SPATA17: variants seen among roughly 807,000 people sequenced by gnomAD.
The protein encoded by SPATA17 is spermatogenesis associated 17, also known as spermatogenesis-associated protein 17.
In SPATA17, 53 loss-of-function variants were observed where a neutral mutation model predicts 62.2. That is an observed-to-expected ratio of 0.85 (90% confidence interval 0.68 to 1.07). SPATA17 has a LOEUF of 1.07. Among genes scored for constraint, SPATA17 ranks in the 50% least tolerant of loss-of-function variants. SPATA17 has a pLI of 0.00. For synonymous variants in SPATA17, 146 were observed against 146.8 expected, an observed-to-expected ratio of 0.99 and a Z score of 0.04; for missense variants, 466 against 425.5, an observed-to-expected ratio of 1.10 and a Z score of -0.84.
intron 6 of SPATA17, among the ~76,000 whole-genome samples, chr1:217,772,842 A>G (rs1673485771): frequency 6.6e-6 from 1 of 152,220 alleles, no homozygotes; most frequent in African/African-American, 2.4e-5. Flanking sequence ...ATTTTGAAAC[A>G]GTGTAATGTG....
intron 5 of SPATA17, among the ~76,000 whole-genome samples, chr1:217,705,729 G>A (rs553003877): frequency 3.2e-4 from 49 of 152,214 alleles, no homozygotes; most frequent in African/African-American, 1.1e-3. Flanking sequence ...GTGAGCCACC[G>A]TGCCCGGCCT....
At position 217,782,195 on chromosome 1, in the gene SPATA17, G is replaced by A. The variant is rs187116833; in HGVS notation, c.745G>A (p.Glu249Lys). Residue 249 changes from glutamate (E) to lysine (K), a missense_variant, in exon 8 of 11, where the codon GAA (glutamate) becomes AAA (lysine). Coordinates refer to ENST00000366933, the MANE Select transcript of SPATA17 (RefSeq NM_138796.4). ...QCQGPFRDITEVLEQRYRPLE... is the reference protein window; with the variant it reads ...QCQGPFRDITKVLEQRYRPLE... ...TCAGGGGCCCTTCCGAGATATCACC[G>A]AAGTATTAGAACAACGCTACAGGCC... The A allele has an allele frequency of 7.7e-5, 123 of 1,598,524 alleles. No individual in the cohort carries two copies. Among genetic ancestry groups the A allele is most frequent in the Admixed American group, 1.8e-4 (10 of 56,304 alleles).
chr1:217,756,112 A>G (rs1673035253), intron 6 of SPATA17, among the ~76,000 whole-genome samples: 1 of 152,164 alleles, frequency 6.6e-6, no homozygotes, highest in Admixed American at 6.6e-5. Context: ...AGTAATATCG[A>G]TTAACTAATA....
At chr1:217,807,199 C>T (rs996448295) in intron 9 of SPATA17, among the ~76,000 whole-genome samples, 1 of 148,812 alleles carries the variant, frequency 6.7e-6, no homozygotes, top group Admixed American at 6.7e-5. Context: ...GGGAGCTAAA[C>T]GATGAGTACA....
At chr1:217,738,383 A>G in intron 5 of SPATA17, among the ~76,000 whole-genome samples, 1 of 152,196 alleles carries the variant, frequency 6.6e-6, no homozygotes, top group Non-Finnish European at 1.5e-5. Flanking sequence ...AATTAGAGAA[A>G]GCATATCCAG....
At chr1:217,642,613 G>C (rs1350934911) in intron 1 of SPATA17, among the ~76,000 whole-genome samples, 1 of 152,166 alleles carries the variant, frequency 6.6e-6, no homozygotes, top group Non-Finnish European at 1.5e-5. Context: ...GAGGTGATTG[G>C]ATCATGGGGG....
At chr1:217,754,768 C>T (rs1445304465) in intron 6 of SPATA17, among the ~76,000 whole-genome samples, 1 of 152,056 alleles carries the variant, frequency 6.6e-6, no homozygotes, top group Non-Finnish European at 1.5e-5. Context: ...TAGTCTAATC[C>T]ATCGTCTTTT....
At position 217,781,936 on chromosome 1, in the gene SPATA17, G is replaced by A. The variant is rs533089482; in HGVS notation, c.724-238G>A. On this transcript the variant is annotated intron_variant, in intron 7 of 10. Coordinates refer to ENST00000366933, the MANE Select transcript of SPATA17 (RefSeq NM_138796.4). ...AACATGAAGATCTTTTGATGTAAGT[G>A]GGGAAACTTCTGTTTAATTTTAAAG... Among the ~76,000 whole-genome samples, 4 of 152,132 alleles carry A rather than the reference G, an allele frequency of 2.6e-5. No individual in the cohort carries two copies. In the East Asian group the frequency reaches 7.7e-4, roughly 29 times the overall value.
In SPATA17 at chr1:217,868,056, A is replaced by G. The variant is rs1177052803; in HGVS notation, c.*1037A>G. 1.3e-5 allele frequency: 2 copies of G among 152,174 alleles called. No homozygotes were observed. Among genetic ancestry groups the G allele is most frequent in the Non-Finnish European group, 2.9e-5 (2 of 68,004 alleles). The allele number at this position is 152,174 out of a possible 1,614,324, so 9.4% of individuals were successfully genotyped here. On this transcript the variant is annotated 3_prime_UTR_variant, in exon 11 of 11. Coordinates refer to ENST00000366933, the MANE Select transcript of SPATA17 (RefSeq NM_138796.4). The stretch of plus-strand genomic sequence containing the variant: ...AAACTGAGGGGAAAAAAAGGAACCT[A>G]TTAAAAAGACATTATCTATCAATCA...
At chr1:217,774,764 A>T (rs1172635228) in intron 7 of SPATA17, among the ~76,000 whole-genome samples, 1 of 152,192 alleles carries the variant, frequency 6.6e-6, no homozygotes, top group Non-Finnish European at 1.5e-5. Flanking sequence ...CCATCCCCTG[A>T]CATGACTTGT....
At chr1:217,808,619 C>T (rs1384100381) in intron 9 of SPATA17, among the ~76,000 whole-genome samples, 1 of 151,942 alleles carries the variant, frequency 6.6e-6, no homozygotes, top group East Asian at 1.9e-4. Flanking sequence ...TTTGGGAGGC[C>T]GAGGTGGGCA....
intron 6 of SPATA17, among the ~76,000 whole-genome samples, chr1:217,755,148 AT>A (rs984464901): frequency 1.3e-5 from 2 of 152,084 alleles, no homozygotes; most frequent in Non-Finnish European, 1.5e-5. Flanking sequence ...AGGAATTCCA[AT>A]TTTTTATTTA....
intron 5 of SPATA17, among the ~76,000 whole-genome samples, chr1:217,740,329 G>A (rs975618495): frequency 6.6e-6 from 1 of 151,846 alleles, no homozygotes; most frequent in Non-Finnish European, 1.5e-5. Flanking sequence ...TATAGTGGTA[G>A]TTCTCTGGTT....
At chr1:217,841,866 T>C (rs1675411723) in intron 9 of SPATA17, among the ~76,000 whole-genome samples, 1 of 151,100 alleles carries the variant, frequency 6.6e-6, no homozygotes, top group South Asian at 2.1e-4. Flanking sequence ...ATGATAAATA[T>C]ATATAACCAT....
intron 8 of SPATA17, among the ~76,000 whole-genome samples, chr1:217,782,704 T>C (rs181376149): frequency 1.3e-5 from 2 of 152,298 alleles, no homozygotes; most frequent in African/African-American, 4.8e-5. Context: ...CATTTTGATC[T>C]ATTGACATAA....
intron 5 of SPATA17, among the ~76,000 whole-genome samples, chr1:217,689,308 C>A (rs1671295646): frequency 7.4e-6 from 1 of 134,296 alleles, no homozygotes; most frequent in African/African-American, 2.8e-5. Context: ...TTACTGCAAT[C>A]TCTGCCTCCC....
chr1:217,741,004 T>C (rs1321202991), intron 5 of SPATA17, among the ~76,000 whole-genome samples: 2 of 152,236 alleles, frequency 1.3e-5, no homozygotes, highest in African/African-American at 4.8e-5. Flanking sequence ...CAAAAATATT[T>C]CTAGACATTG....
intron 5 of SPATA17, among the ~76,000 whole-genome samples, chr1:217,735,695 G>A (rs1263186511): frequency 6.6e-6 from 1 of 152,178 alleles, no homozygotes; most frequent in Non-Finnish European, 1.5e-5. Flanking sequence ...GGGGATCTAT[G>A]AAGCCTTCTT....
rs1004436585 is a variant in SPATA17 at position 217,812,664 on chromosome 1, G to A, written c.1005+10814G>A. 3.3e-5 allele frequency among the ~76,000 whole-genome samples: 5 copies of A among 152,064 alleles called. 1 individual carries two copies. The highest frequency in any genetic ancestry group is 2.0e-4 in the Admixed American group (3 of 15,260). Reference sequence around the variant, plus strand: ...AACTAGATGTGAAATTAAATAAGGAGAATCTACCCGTCAGTCATTATTAAT... The same window carrying A: ...AACTAGATGTGAAATTAAATAAGGAAAATCTACCCGTCAGTCATTATTAAT... On this transcript the variant is annotated intron_variant, in intron 9 of 10. Coordinates refer to ENST00000366933, the MANE Select transcript of SPATA17 (RefSeq NM_138796.4).
Sources: allele counts gnomAD v4.1 joint callset (sites outside exome capture counted in the v4.1 genomes callset), GRCh38; gene constraint gnomAD v4.1.1; transcripts MANE v1.5; gene names NCBI Gene and HGNC (gene_info 2026-07-23, HGNC 2026-07-21).